DLGAP2: variants seen among roughly 807,000 people sequenced by gnomAD.
The protein encoded by DLGAP2 is DLG associated protein 2.
A neutral mutation model predicts 100.3 loss-of-function variants in DLGAP2; 26 were observed. The ratio of observed to expected loss-of-function variants is 0.26; its 90% CI spans 0.19 to 0.36. DLGAP2 has a LOEUF of 0.36. Among genes scored for constraint, DLGAP2 ranks in the 10% least tolerant of loss-of-function variants. The pLI, the probability that DLGAP2 is intolerant of heterozygous loss-of-function variation, is 1.00. For synonymous variants in DLGAP2, 886 were observed against 630.1 expected (o/e 1.41, Z -6.08); for missense variants, 1,858 against 1,453.2 (o/e 1.28, Z -4.53).
chr8:1,440,754 G>A (rs938671347), intron 3 of DLGAP2, among the ~76,000 whole-genome samples: 7 of 152,154 alleles, frequency 4.6e-5, no homozygotes, highest in South Asian at 4.1e-4. Flanking sequence ...GGAGGCAAGC[G>A]CTCGTGGCAG....
At chr8:1,570,191 C>T (rs1033752917) in intron 6 of DLGAP2, among the ~76,000 whole-genome samples, 4 of 152,172 alleles carry the variant, frequency 2.6e-5, no homozygotes, top group East Asian at 1.9e-4. Context: ...AAGACAAGAC[C>T]GGGGAGGCAC....
At chr8:1,546,628 G>T (rs972618929) in intron 4 of DLGAP2, among the ~76,000 whole-genome samples, 1 of 152,164 alleles carries the variant, frequency 6.6e-6, no homozygotes, top group Non-Finnish European at 1.5e-5. Flanking sequence ...TGGAGGGTTG[G>T]GGTTGGACAC....
intron 2 of DLGAP2, among the ~76,000 whole-genome samples, chr8:1,182,150 G>A (rs890349858): frequency 6.6e-5 from 10 of 152,250 alleles, no homozygotes; most frequent in African/African-American, 2.4e-4. Context: ...GGCGAGTCAT[G>A]TGTGGCTGCC....
chr8:1,345,312 T>C (rs1461201702), intron 3 of DLGAP2, among the ~76,000 whole-genome samples: 1 of 152,184 alleles, frequency 6.6e-6, no homozygotes, highest in Non-Finnish European at 1.5e-5. Context: ...GAGCAGAGTG[T>C]GCGGTTGTTC....
Position 778,449 on chromosome 8 carries a change from C to G in DLGAP2, c.18+40624C>G, listed in dbSNP as rs533756932. 2.8e-3 allele frequency among the ~76,000 whole-genome samples: 423 copies of G among 152,316 alleles called. 2 individuals carry two copies. Among genetic ancestry groups the G allele is most frequent in the African/African-American group, 9.0e-3 (373 of 41,568 alleles). On this transcript the variant is annotated intron_variant, in intron 1 of 14. Transcript: ENST00000637795. ...GCTTTTTAGAGTTTCCAGTTTTTCT[C>G]TTCTGTTTTTTCCCCATCTTTGTGG...
intron 8 of DLGAP2, among the ~76,000 whole-genome samples, chr8:1,646,364 A>T (rs1157381802): frequency 6.6e-6 from 1 of 151,934 alleles, no homozygotes; most frequent in Non-Finnish European, 1.5e-5. Flanking sequence ...CTTTCTCTGT[A>T]TGTATTCACC....
chr8:1,120,907 C>T (rs758327306), intron 2 of DLGAP2, among the ~76,000 whole-genome samples: 2 of 151,772 alleles, frequency 1.3e-5, no homozygotes, highest in Non-Finnish European at 2.9e-5. Context: ...CATGACCTCC[C>T]ATCCTCATCC....
At chr8:1,561,707 G>T (rs192898919) in intron 5 of DLGAP2, among the ~76,000 whole-genome samples, 6 of 149,122 alleles carry the variant, frequency 4.0e-5, no homozygotes, top group African/African-American at 1.3e-4. Flanking sequence ...CTGGGGGACT[G>T]TGTGGTGTTG....
chr8:1,489,789 G>T (rs967156688), intron 3 of DLGAP2, among the ~76,000 whole-genome samples: 2 of 152,166 alleles, frequency 1.3e-5, no homozygotes, highest in Non-Finnish European at 2.9e-5. Flanking sequence ...ACGTTACGAT[G>T]GGAATTTCAA....
At chr8:959,449 G>A (rs970972464) in intron 2 of DLGAP2, among the ~76,000 whole-genome samples, 1 of 152,238 alleles carries the variant, frequency 6.6e-6, no homozygotes, top group Non-Finnish European at 1.5e-5. Flanking sequence ...CTCTGAGAAT[G>A]CCCTGGCTCA....
intron 1 of DLGAP2, among the ~76,000 whole-genome samples, chr8:800,361 C>T (rs28655945): frequency 0.25 from 38,165 of 152,200 alleles, 6,031 homozygotes; most frequent in African/African-American, 0.44. Context: ...GTGTTGCCTG[C>T]AAAGGAGAAT....
intron 3 of DLGAP2, among the ~76,000 whole-genome samples, chr8:1,500,631 A>G (rs991441775): frequency 6.6e-6 from 1 of 152,256 alleles, no homozygotes; most frequent in African/African-American, 2.4e-5. Context: ...AAATCAAGTG[A>G]CAAGCTTGTC....
intron 12 of DLGAP2, among the ~76,000 whole-genome samples, chr8:1,690,734 T>C (rs986590624): frequency 3.8e-5 from 5 of 130,546 alleles, no homozygotes; most frequent in East Asian, 2.5e-4. Context: ...AAAAAATTAG[T>C]ATTTGATTAA....
intron 6 of DLGAP2, among the ~76,000 whole-genome samples, chr8:1,626,301 T>C (rs1227017838): frequency 9.3e-6 from 1 of 107,276 alleles, no homozygotes. Flanking sequence ...CTCTGCCCTG[T>C]GGTGGGTGCT....
chr8:1,445,331 C>T (rs1283837968), intron 3 of DLGAP2, among the ~76,000 whole-genome samples: 1 of 147,024 alleles, frequency 6.8e-6, no homozygotes, highest in African/African-American at 2.5e-5. Flanking sequence ...TGAGTGAGAA[C>T]ATGCAGTGTT....
intron 2 of DLGAP2, among the ~76,000 whole-genome samples, chr8:1,005,434 G>C (rs1801080107): frequency 6.8e-6 from 1 of 147,860 alleles, no homozygotes; most frequent in African/African-American, 2.5e-5. Context: ...TTTGAGATGG[G>C]GTCTTGCTCT....
chr8:876,861 G>A (rs1563074902), intron 1 of DLGAP2, among the ~76,000 whole-genome samples: 3 of 152,026 alleles, frequency 2.0e-5, no homozygotes, highest in Admixed American at 1.3e-4. Context: ...GAACATCTAT[G>A]GATCTGTTTT....
chr8:1,641,976 G>C (rs2472089), intron 8 of DLGAP2, among the ~76,000 whole-genome samples: 5 of 50,542 alleles, frequency 9.9e-5, no homozygotes, highest in African/African-American at 6.8e-4. Flanking sequence ...CGACCCCGCC[G>C]GTCCCCACCT....
chr8:1,227,738 C>T (rs1396044458), intron 2 of DLGAP2, among the ~76,000 whole-genome samples: 2 of 152,008 alleles, frequency 1.3e-5, no homozygotes, highest in Non-Finnish European at 2.9e-5. Flanking sequence ...AACTAGTTAT[C>T]AGGGATGGGG....
Sources: allele counts gnomAD v4.1 joint callset (sites outside exome capture counted in the v4.1 genomes callset), GRCh38; gene constraint gnomAD v4.1.1; transcripts MANE v1.5; gene names NCBI Gene and HGNC (gene_info 2026-07-23, HGNC 2026-07-21).